Variants in CBFB observed in about 807,000 individuals in gnomAD.
CBFB encodes core-binding factor subunit beta.
CBFB carries 9 observed loss-of-function variants against 30.4 expected under a neutral mutation model. That is an observed-to-expected ratio of 0.30 (90% CI 0.18 to 0.52). The LOEUF is 0.52. Among genes scored for constraint, CBFB ranks in the 20% least tolerant of loss-of-function variants. The pLI, the probability that CBFB is intolerant of heterozygous loss-of-function variation, is 0.97. For missense variants in CBFB, 170 were observed against 244.0 expected (o/e 0.70, Z 2.02); for synonymous variants, 94 against 84.0 (o/e 1.12, Z -0.65).
At chr16:67,038,321 CGTATATGTGTGTGTATATAT>C (rs1286243387) in intron 3 of CBFB, among the ~76,000 whole-genome samples, 1 of 147,330 alleles carries the variant, frequency 6.8e-6, no homozygotes, top group Admixed American at 6.7e-5. Flanking sequence ...TGTATATATA[CGTATATGTGTGTGTATATAT>C]GTATATATGT....
intron 5 of CBFB, among the ~76,000 whole-genome samples, chr16:67,095,010 G>C (rs1207080385): frequency 6.6e-6 from 1 of 151,866 alleles, no homozygotes; most frequent in Non-Finnish European, 1.5e-5. Context: ...CTGAGGTCAG[G>C]AGTTCAAGAT....
At chr16:67,091,962 C>T (rs1409598088) in intron 5 of CBFB, among the ~76,000 whole-genome samples, 1 of 152,138 alleles carries the variant, frequency 6.6e-6, no homozygotes, top group Non-Finnish European at 1.5e-5. Context: ...CAACCTCCAC[C>T]TCCCGGGTTC....
At chr16:67,075,041 T>G (rs2145761450) in intron 4 of CBFB, among the ~76,000 whole-genome samples, 1 of 151,982 alleles carries the variant, frequency 6.6e-6, no homozygotes, top group East Asian at 1.9e-4. Flanking sequence ...AATACAAAAA[T>G]TAGCCAGGTA....
chr16:67,038,479 A>G (rs995048417), intron 3 of CBFB, among the ~76,000 whole-genome samples: 2 of 152,066 alleles, frequency 1.3e-5, no homozygotes, highest in African/African-American at 4.8e-5. Context: ...TCTTTGGATT[A>G]GAAAAGGGAA....
chr16:67,029,359 C>G lies in CBFB; in HGVS notation c.-49C>G. ...CAGCGCGGAGCCAGCCAGCGGGTGC[C>G]CGCGCAAGCCCCGAGCGCGGCCGGC... On this transcript the variant is annotated 5_prime_UTR_variant, in exon 1 of 6. Coordinates refer to ENST00000412916, the MANE Select transcript of CBFB (RefSeq NM_022845.3). The G allele has an allele frequency of 7.4e-7, 1 of 1,357,932 alleles. No individual in the cohort carries two copies. The highest frequency in any genetic ancestry group is 9.7e-7 in the Non-Finnish European group (1 of 1,033,976). 84.1% of individuals were successfully genotyped at this position (1,357,932 alleles called of 1,614,324 possible).
At position 67,033,822 on chromosome 16, in the gene CBFB, T is replaced by G. The variant is rs1445720633; in HGVS notation, c.166-2817T>G. Among the ~76,000 whole-genome samples, 8 of 143,272 alleles carry G rather than the reference T, an allele frequency of 5.6e-5. No homozygotes were observed. In the East Asian group the frequency reaches 1.2e-3, roughly 21 times the overall value. The allele number at this position is 143,272 out of a possible 152,430, so 94.0% of individuals were successfully genotyped here. ...GTAGAGACAGAGTTTCACCGTTGTT[T>G]TTTTTTTTTTTTTTTTTGAGACGGC... is the stretch of plus-strand genomic sequence containing the variant. On this transcript the variant is annotated intron_variant, in intron 2 of 5. Coordinates refer to ENST00000412916, the MANE Select transcript of CBFB (RefSeq NM_022845.3).
At chr16:67,070,451 AAAT>A (rs1961187051) in intron 4 of CBFB, among the ~76,000 whole-genome samples, 1 of 152,252 alleles carries the variant, frequency 6.6e-6, no homozygotes, top group South Asian at 2.1e-4. Context: ...TCTTTCAGAA[AAAT>A]AATAAATAAC....
At chr16:67,076,609 G>A (rs567884320) in intron 4 of CBFB, among the ~76,000 whole-genome samples, 3 of 152,224 alleles carry the variant, frequency 2.0e-5, no homozygotes, top group South Asian at 2.1e-4. Flanking sequence ...AGGAACAGGA[G>A]GGAAACAGGG....
rs761050218 is a variant in CBFB at position 67,036,506 on chromosome 16, TG to T, written c.166-132del. On this transcript the variant is annotated intron_variant, in intron 2 of 5. Coordinates refer to ENST00000412916, the MANE Select transcript of CBFB (RefSeq NM_022845.3). ...ATACTTAAGAAAAATGATGAGTGCATGTTTTTTTTTACTTTTAAGTATTCTC... is the reference window on the plus strand; with the variant it reads ...ATACTTAAGAAAAATGATGAGTGCATTTTTTTTTTACTTTTAAGTATTCTC... 4.9e-5 allele frequency: 29 copies of T among 590,786 alleles called. 1 individual carries two copies. Among genetic ancestry groups the T allele is most frequent in the African/African-American group, 1.3e-4 (7 of 54,774 alleles). The allele number at this position is 590,786 out of a possible 1,614,324, so 36.6% of individuals were successfully genotyped here.
At chr16:67,056,399 G>A (rs941963286) in intron 3 of CBFB, among the ~76,000 whole-genome samples, 1 of 152,174 alleles carries the variant, frequency 6.6e-6, no homozygotes, top group Non-Finnish European at 1.5e-5. Flanking sequence ...GATCAGTTGA[G>A]GAAGATGTTA....
chr16:67,057,793 C>G (rs1226559560), intron 3 of CBFB, among the ~76,000 whole-genome samples: 1 of 151,884 alleles, frequency 6.6e-6, no homozygotes, highest in Non-Finnish European at 1.5e-5. Flanking sequence ...TTAAGTGTTG[C>G]CTTTTTCATA....
intron 4 of CBFB, among the ~76,000 whole-genome samples, chr16:67,074,478 G>A (rs1018771095): frequency 6.6e-6 from 1 of 151,664 alleles, no homozygotes; most frequent in African/African-American, 2.4e-5. Flanking sequence ...TGCCTCCCGG[G>A]TTCAAGTGAT....
chr16:67,056,349 A>C (rs959831987), intron 3 of CBFB, among the ~76,000 whole-genome samples: 1 of 152,218 alleles, frequency 6.6e-6, no homozygotes, highest in Non-Finnish European at 1.5e-5. Context: ...ATTGAAGATG[A>C]TGTCTGAACA....
chr16:67,073,833 C>T (rs1310326126), intron 4 of CBFB, among the ~76,000 whole-genome samples: 4 of 151,416 alleles, frequency 2.6e-5, no homozygotes, highest in South Asian at 2.1e-4. Context: ...GTAAGGAGTT[C>T]GAGACCAGCC....
chr16:67,062,287 G>A (rs909264843), intron 3 of CBFB, among the ~76,000 whole-genome samples: 5 of 149,478 alleles, frequency 3.3e-5, no homozygotes, highest in South Asian at 2.2e-4. Flanking sequence ...TCCTGCCTCA[G>A]CCTCCCGAGT....
At chr16:67,095,641 G>A (rs1003977960) in intron 5 of CBFB, among the ~76,000 whole-genome samples, 1 of 150,380 alleles carries the variant, frequency 6.6e-6, no homozygotes, top group African/African-American at 2.4e-5. Context: ...GTTTGTGCCT[G>A]TGAATAGCCA....
At chr16:67,069,252 C>T (rs1411398262) in intron 4 of CBFB, among the ~76,000 whole-genome samples, 4 of 152,072 alleles carry the variant, frequency 2.6e-5, no homozygotes, top group Non-Finnish European at 5.9e-5. Flanking sequence ...TGCCTGCCAT[C>T]CCAGCTTCTC....
At chr16:67,092,899 G>C (rs1961937864) in intron 5 of CBFB, among the ~76,000 whole-genome samples, 1 of 151,658 alleles carries the variant, frequency 6.6e-6, no homozygotes, top group Non-Finnish European at 1.5e-5. Context: ...TTTTAGTAGA[G>C]ATGGGGTTTC....
At chr16:67,096,841 G>A (rs1387395699) in intron 5 of CBFB, among the ~76,000 whole-genome samples, 4 of 151,476 alleles carry the variant, frequency 2.6e-5, no homozygotes, top group Non-Finnish European at 5.9e-5. Context: ...GGGTGTGGTG[G>A]TGGGCGCCTG....
Sources: allele counts gnomAD v4.1 joint callset (sites outside exome capture counted in the v4.1 genomes callset), GRCh38; gene constraint gnomAD v4.1.1; transcripts MANE v1.5; gene names NCBI Gene and HGNC (gene_info 2026-07-23, HGNC 2026-07-21).